Variants in ARHGEF12 observed in about 807,000 individuals in gnomAD.
ARHGEF12 encodes the protein KMT2A/ARHGEF12 fusion protein.
Under a neutral mutation model 211.2 loss-of-function variants are expected in ARHGEF12, and 66 were observed. The observed-to-expected ratio is 0.31, with a 90% CI of 0.26 to 0.38. The LOEUF (loss-of-function observed/expected upper bound fraction) is 0.38, where lower values mean the gene tolerates loss of function less well. Among genes scored for constraint, ARHGEF12 ranks in the 10% least tolerant of loss-of-function variants. The pLI is 1.00. For synonymous variants in ARHGEF12, 592 were observed against 638.4 expected, an observed-to-expected ratio of 0.93 and a Z score of 1.09; for missense variants, 1,429 against 1,869.5, an observed-to-expected ratio of 0.76 and a Z score of 4.34.
In ARHGEF12 at chr11:120,487,914, C is replaced by T. The variant is rs1002317455; in HGVS notation, c.*2837C>T. 1.8e-5 allele frequency: 4 copies of T among 220,268 alleles called. No individual in the cohort carries two copies. Among genetic ancestry groups the T allele is most frequent in the Non-Finnish European group, 2.7e-5 (3 of 109,950 alleles). The allele number at this position is 220,268 out of a possible 1,614,324, so 13.6% of individuals were successfully genotyped here. ...ATATATTTTGCATACTTTAAAATCA[C>T]CTAACTTGGACTGCTTGAATTACAT... On this transcript the variant is annotated 3_prime_UTR_variant, in exon 41 of 41. Transcript: ENST00000397843.
rs1175820423 is a variant in ARHGEF12 at position 120,415,769 on chromosome 11, CAGAT to C, written c.200-4980_200-4977del. Among the ~76,000 whole-genome samples, 6 of 152,194 alleles carry C rather than the reference CAGAT, an allele frequency of 3.9e-5. No individual in the cohort carries two copies. The East Asian group carries it at 1.2e-3, about 29-fold the overall frequency. ...CAGATCTAAATTTATGCAGACACCA[CAGAT>C]AGACAGGACAGAATAGTATTGTTAA... On this transcript the variant is annotated intron_variant, in intron 4 of 40. Transcript: ENST00000397843.
rs538432535 is a variant in ARHGEF12 at position 120,448,526 on chromosome 11, A to G, written c.1737+178A>G. 4.4e-5 allele frequency: 26 copies of G among 592,466 alleles called. No homozygotes were observed. In the East Asian group the frequency reaches 7.3e-4, roughly 17 times the overall value. The allele number at this position is 592,466 out of a possible 1,614,324, so 36.7% of individuals were successfully genotyped here. The stretch of plus-strand genomic sequence containing the variant: ...TCAAAATACAGTGAGAAATCCAGAC[A>G]TATAAACTATTATTAGACAATGTGA... On this transcript the variant is annotated intron_variant, in intron 20 of 40. Coordinates refer to ENST00000397843, the MANE Select transcript of ARHGEF12 (RefSeq NM_015313.3).
chr11:120,349,201 G>A (rs1328084593), intron 1 of ARHGEF12, among the ~76,000 whole-genome samples: 1 of 152,182 alleles, frequency 6.6e-6, no homozygotes, highest in Admixed American at 6.5e-5. Context: ...GTTAAATTGG[G>A]TGTGTTGCCT....
intron 1 of ARHGEF12, among the ~76,000 whole-genome samples, chr11:120,372,238 A>G (rs1209034030): frequency 6.6e-6 from 1 of 152,136 alleles, no homozygotes; most frequent in Non-Finnish European, 1.5e-5. Flanking sequence ...ATCCAAAGCA[A>G]TCTCTATTTT....
chr11:120,338,100 TTATAGGG>T (rs1192465218), intron 1 of ARHGEF12, among the ~76,000 whole-genome samples: 2 of 152,200 alleles, frequency 1.3e-5, no homozygotes, highest in African/African-American at 2.4e-5. Context: ...TTACTCTTGT[TTATAGGG>T]TAAGGGATAA....
At chr11:120,366,668 T>C (rs1021427794) in intron 1 of ARHGEF12, among the ~76,000 whole-genome samples, 171 of 152,152 alleles carry the variant, frequency 1.1e-3, no homozygotes, top group Non-Finnish European at 1.8e-3. Flanking sequence ...AATTTGAACT[T>C]TTCCATCTTC....
intron 1 of ARHGEF12, among the ~76,000 whole-genome samples, chr11:120,358,108 G>A (rs552768139): frequency 3.3e-4 from 50 of 152,182 alleles, no homozygotes; most frequent in African/African-American, 1.1e-3. Context: ...GGCAGTAAGC[G>A]TTATGTTATA....
chr11:120,357,644 A>G (rs1943166199), intron 1 of ARHGEF12, among the ~76,000 whole-genome samples: 1 of 152,176 alleles, frequency 6.6e-6, no homozygotes, highest in African/African-American at 2.4e-5. Flanking sequence ...ATCTTGCCTC[A>G]TTGCAACCTC....
At chr11:120,341,846 A>C (rs1483109275) in intron 1 of ARHGEF12, among the ~76,000 whole-genome samples, 1 of 152,240 alleles carries the variant, frequency 6.6e-6, no homozygotes, top group Non-Finnish European at 1.5e-5. Context: ...GGTTTTCAAA[A>C]TAGTGCCATG....
At position 120,434,283 on chromosome 11, in the gene ARHGEF12, T is replaced by G. The variant is rs537997436; in HGVS notation, c.924+2372T>G. On this transcript the variant is annotated intron_variant, in intron 11 of 40. Coordinates refer to ENST00000397843, the MANE Select transcript of ARHGEF12 (RefSeq NM_015313.3). Reference sequence around the variant, plus strand: ...GTTGTACCCAATGCTTTACAGATACTCTTTTTTAACACTCATAATAATCTT... The same window carrying G: ...GTTGTACCCAATGCTTTACAGATACGCTTTTTTAACACTCATAATAATCTT... 3.0e-4 allele frequency among the ~76,000 whole-genome samples: 46 copies of G among 152,310 alleles called. 1 individual carries two copies. The South Asian group carries it at 6.8e-3, about 23-fold the overall frequency.
At chr11:120,423,111 C>G (rs1157805713) in intron 6 of ARHGEF12, among the ~76,000 whole-genome samples, 1 of 152,108 alleles carries the variant, frequency 6.6e-6, no homozygotes, top group Non-Finnish European at 1.5e-5. Context: ...TTTTATCAGG[C>G]AGTTCCCTAA....
chr11:120,345,430 G>A (rs929306577), intron 1 of ARHGEF12, among the ~76,000 whole-genome samples: 20 of 152,186 alleles, frequency 1.3e-4, no homozygotes, highest in Admixed American at 3.9e-4. Context: ...CAGGCCGGGC[G>A]TAGTGGCTCA....
At chr11:120,480,456 T>G (rs1244915836) in intron 38 of ARHGEF12, 26 bp downstream of exon 38, 1 of 1,567,780 alleles carries the variant, frequency 6.4e-7, no homozygotes, top group South Asian at 1.2e-5. Context: ...ACTTAAACTT[T>G]GATTTTGATT....
At position 120,445,478 on chromosome 11, in the gene ARHGEF12, A is replaced by G; in HGVS notation, c.1345+14A>G. 1 of 1,613,196 alleles carries G rather than the reference A, an allele frequency of 6.2e-7. No individual in the cohort carries two copies. The highest frequency in any genetic ancestry group is 8.5e-7 in the Non-Finnish European group (1 of 1,179,058). On this transcript the variant is annotated intron_variant, in intron 16 of 40. Transcript: ENST00000397843. ...CTGCAGATCTAGGTAAGCTTGGAGC[A>G]CTAACATCCTGGAGAATTACATCTT...
chr11:120,376,586 GATA>G (rs1282532627), intron 1 of ARHGEF12, among the ~76,000 whole-genome samples: 1 of 152,058 alleles, frequency 6.6e-6, no homozygotes, highest in Non-Finnish European at 1.5e-5. Context: ...TACAATGCAT[GATA>G]ATCACACTAA....
chr11:120,425,271 C>T (rs1945305440), intron 7 of ARHGEF12, among the ~76,000 whole-genome samples: 1 of 151,202 alleles, frequency 6.6e-6, no homozygotes, highest in Non-Finnish European at 1.5e-5. Flanking sequence ...CCAACCTGGG[C>T]TTTGGTTTCA....
chr11:120,343,421 G>A (rs944010045), intron 1 of ARHGEF12, among the ~76,000 whole-genome samples: 2 of 152,222 alleles, frequency 1.3e-5, no homozygotes, highest in African/African-American at 4.8e-5. Context: ...CTATAAGACA[G>A]CTTCTAACTC....
At chr11:120,421,106 T>C (rs1264233185) in intron 5 of ARHGEF12, among the ~76,000 whole-genome samples, 1 of 152,240 alleles carries the variant, frequency 6.6e-6, no homozygotes, top group African/African-American at 2.4e-5. Flanking sequence ...GATACTTTAT[T>C]GTCCACACAA....
At position 120,437,302 on chromosome 11, in the gene ARHGEF12, C is replaced by T. The variant is rs775988145; in HGVS notation, c.925-6C>T. ...AATGAACTGAAGATCTTGTTTTTTT[C>T]ATTAGAGTCCCAAGAGTGGCCCAAA... On this transcript the variant is annotated splice_region_variant and splice_polypyrimidine_tract_variant and intron_variant, in intron 11 of 40. Coordinates refer to ENST00000397843, the MANE Select transcript of ARHGEF12 (RefSeq NM_015313.3). 6.3e-7 allele frequency: 1 copy of T among 1,597,416 alleles called. No individual in the cohort carries two copies. The highest frequency in any genetic ancestry group is 8.5e-7 in the Non-Finnish European group (1 of 1,173,194).
Sources: gnomAD v4.1 joint callset for allele counts (sites outside exome capture counted in the v4.1 genomes callset) on GRCh38, gnomAD v4.1.1 for gene constraint, MANE v1.5 for transcripts, NCBI Gene and HGNC (gene_info 2026-07-23, HGNC 2026-07-21) for gene names.